Variants in MICALL2 observed in about 807,000 individuals in gnomAD.
The protein encoded by MICALL2 is MICAL like 2.
MICALL2 carries 111 observed loss-of-function variants against 91.1 expected under a neutral mutation model. That is an observed-to-expected ratio of 1.22 (90% CI 1.04 to 1.43). The LOEUF (loss-of-function observed/expected upper bound fraction) is 1.43. Ranked by LOEUF, MICALL2 falls within the 40% of genes most tolerant of loss-of-function variation. The pLI, the probability that MICALL2 is intolerant of heterozygous loss-of-function variation, is 0.00. For synonymous variants in MICALL2, 694 were observed against 525.3 expected (o/e 1.32, Z -4.39); for missense variants, 1,556 against 1,236.0 (o/e 1.26, Z -3.88).
intron 1 of MICALL2, among the ~76,000 whole-genome samples, chr7:1,458,206 G>C (rs1240375883): frequency 6.6e-6 from 1 of 152,206 alleles, no homozygotes; most frequent in African/African-American, 2.4e-5. Context: ...CTGCGCAACG[G>C]GCTGGGGCTG....
chr7:1,458,242 CTT>C (rs1039484421), intron 1 of MICALL2, among the ~76,000 whole-genome samples: 2 of 152,230 alleles, frequency 1.3e-5, no homozygotes, highest in Non-Finnish European at 2.9e-5. Flanking sequence ...GACCCCTCCT[CTT>C]AGCCTCGGTT....
intron 5 of MICALL2, 120 bp downstream of exon 5, chr7:1,446,593 G>C: frequency 3.0e-6 from 2 of 664,062 alleles, no homozygotes; most frequent in Non-Finnish European, 5.3e-6. Flanking sequence ...AGGGGAGAGG[G>C]GAGAGGGGAG....
In MICALL2 at chr7:1,445,182, G is replaced by A. The variant is rs1297858544; in HGVS notation, c.888C>T (p.Ala296=). 5.7e-6 allele frequency: 9 copies of A among 1,590,594 alleles called. No homozygotes were observed. Among genetic ancestry groups the A allele is most frequent in the African/African-American group, 1.3e-5 (1 of 74,420 alleles). ...AWEPAAGNSP[A]RASVPAAPNP... is the part of the protein sequence containing the mutation. Reference sequence around the variant, plus strand: ...TGGGTGCAGCTGGAACGGAAGCCCTGGCAGGCGAGTTGCCCGCAGCAGGCT... The same window carrying A: ...TGGGTGCAGCTGGAACGGAAGCCCTAGCAGGCGAGTTGCCCGCAGCAGGCT... Residue 296 remains alanine, a synonymous_variant, in exon 6 of 17, where the codon GCC becomes GCT. Coordinates refer to ENST00000297508, the MANE Select transcript of MICALL2 (RefSeq NM_182924.4).
chr7:1,436,898 C>T, intron 14 of MICALL2, 42 bp from the exon 15 acceptor site: 2 of 1,409,162 alleles, frequency 1.4e-6, no homozygotes, highest in Non-Finnish European at 9.6e-7. Flanking sequence ...CCCACCACTG[C>T]CATGCCCCTC....
intron 5 of MICALL2, 30 bp from the exon 6 acceptor site, chr7:1,445,458 C>T: frequency 6.8e-7 from 1 of 1,470,388 alleles, no homozygotes; most frequent in Non-Finnish European, 9.0e-7. Flanking sequence ...GGAGCCCCAG[C>T]TCGGCACCGC....
chr7:1,459,157 A>C (rs748464245), intron 1 of MICALL2, 27 bp downstream of exon 1: 91 of 1,593,082 alleles, frequency 5.7e-5, no homozygotes, highest in Non-Finnish European at 7.4e-5. Context: ...ACAGCAGAAG[A>C]ATCAAAGGGC....
In MICALL2 at chr7:1,444,974, G is replaced by A; in HGVS notation, c.1096C>T (p.Pro366Ser). ...AAAASHPAVPPSAPDPRPATP... is the reference protein window; with the variant it reads ...AAAASHPAVPSSAPDPRPATP... Reference sequence around the variant, plus strand: ...GCCGGGCGAGGGTCTGGGGCACTCGGGGGCACGGCGGGATGGGAGGCAGCC... The same window carrying A: ...GCCGGGCGAGGGTCTGGGGCACTCGAGGGCACGGCGGGATGGGAGGCAGCC... Residue 366 changes from proline to serine, a missense_variant, in exon 6 of 17, where the codon CCG becomes TCG. Transcript: ENST00000297508. 1.3e-6 allele frequency: 2 copies of A among 1,505,266 alleles called. No individual in the cohort carries two copies. Among genetic ancestry groups the A allele is most frequent in the Non-Finnish European group, 1.8e-6 (2 of 1,126,858 alleles). 93.2% of individuals were successfully genotyped at this position (1,505,266 alleles called of 1,614,324 possible).
At chr7:1,437,390 T>C in intron 14 of MICALL2, 145 bp downstream of exon 14, 2 of 619,794 alleles carry the variant, frequency 3.2e-6, no homozygotes, top group East Asian at 3.0e-5. Flanking sequence ...GTGGGAGATT[T>C]GAAACTCAAA....
intron 1 of MICALL2, among the ~76,000 whole-genome samples, chr7:1,454,709 G>A (rs1780952129): frequency 2.0e-5 from 3 of 152,276 alleles, no homozygotes; most frequent in Admixed American, 2.0e-4. Context: ...CCGCGTGGGA[G>A]AGGAGGTCAG....
intron 16 of MICALL2, 121 bp downstream of exon 16, chr7:1,434,980 T>TTGCCCCCC: frequency 3.2e-6 from 2 of 628,932 alleles, no homozygotes; most frequent in Non-Finnish European, 5.6e-6. Context: ...GGGGACCCGA[T>TTGCCCCCC]ACCCGCCCCC....
intron 15 of MICALL2, among the ~76,000 whole-genome samples, chr7:1,435,541 G>A (rs1024392720): frequency 2.0e-5 from 3 of 152,232 alleles, no homozygotes; most frequent in Non-Finnish European, 4.4e-5. Context: ...GGAGGGCCTG[G>A]GCCGACCACA....
Position 1,445,198 on chromosome 7 carries a change from G to C in MICALL2, c.872C>G (p.Ala291Gly), listed in dbSNP as rs150837160. The change falls in exon 6 of 17, where the codon GCG becomes GGG. Residue 291 changes from alanine (A) to glycine (G), a missense_variant. Coordinates refer to ENST00000297508, the MANE Select transcript of MICALL2 (RefSeq NM_182924.4). ...KARPSAWEPAAGNSPARASVP... is the reference protein window; with the variant it reads ...KARPSAWEPAGGNSPARASVP... ...GGAAGCCCTGGCAGGCGAGTTGCCC[G>C]CAGCAGGCTCCCAGGCCGACGGTCT... 5.0e-6 allele frequency: 8 copies of C among 1,597,836 alleles called. No individual in the cohort carries two copies. Among genetic ancestry groups the C allele is most frequent in the Non-Finnish European group, 6.8e-6 (8 of 1,173,192 alleles).
intron 1 of MICALL2, among the ~76,000 whole-genome samples, chr7:1,453,377 C>T (rs866161667): frequency 3.3e-5 from 5 of 152,202 alleles, no homozygotes; most frequent in Admixed American, 1.3e-4. Flanking sequence ...AGGCACAGGG[C>T]GAAGACGGCC....
At position 1,437,611 on chromosome 7, in the gene MICALL2, G is replaced by T; in HGVS notation, c.2403-3C>A. On this transcript the variant is annotated splice_polypyrimidine_tract_variant and splice_region_variant and intron_variant, in intron 13 of 16. Transcript: ENST00000297508. ...CCTCCAGACGCTGGGCCTTGGACCT[G>T]CCGCACAGACACGCGTCTGAGGCCT... 1 of 1,539,364 alleles carries T rather than the reference G, an allele frequency of 6.5e-7. No individual in the cohort carries two copies.
intron 9 of MICALL2, chr7:1,439,500 GCA>G (rs938071367): frequency 1.0e-4 from 20 of 194,510 alleles, no homozygotes; most frequent in African/African-American, 2.6e-4. Flanking sequence ...TCACGTGTGG[GCA>G]CACATGCATC....
rs1052066542 is a variant in MICALL2, at chr7:1,442,397, G to C, written c.1506C>G (p.Ser502=). The change falls in exon 7 of 17, where the codon TCC becomes TCG. Residue 502 remains serine, a synonymous_variant. Transcript: ENST00000297508. Reference sequence around the variant, plus strand: ...GGAGGCCAAGCACCCGGGGAGACGAGGACTGTAACGGCTTGGCTAAGGGAC... The same window carrying C: ...GGAGGCCAAGCACCCGGGGAGACGACGACTGTAACGGCTTGGCTAAGGGAC... ...QASPLAKPLQ[S]SSPRVLGLPS... is the part of the protein sequence containing the mutation. 3 of 1,602,638 alleles carry C rather than the reference G, an allele frequency of 1.9e-6. No homozygotes were observed. Among genetic ancestry groups the C allele is most frequent in the South Asian group, 1.1e-5 (1 of 89,612 alleles).
At chr7:1,437,309 C>CT (rs1180882308) in intron 14 of MICALL2, 1 of 553,572 alleles carries the variant, frequency 1.8e-6, no homozygotes, top group African/African-American at 2.0e-5. Flanking sequence ...TACAAGCATC[C>CT]TCACTTTGCA....
chr7:1,438,279 C>G lies in MICALL2; in HGVS notation c.2187+10G>C, dbSNP rs769242305. 100 of 1,594,260 alleles carry G rather than the reference C, an allele frequency of 6.3e-5. No homozygotes were observed. Among genetic ancestry groups the G allele is most frequent in the Non-Finnish European group, 7.6e-5 (89 of 1,170,912 alleles). Reference sequence around the variant, plus strand: ...GCTGGGCCCCTGCCCGGCTCCCCACCACTACTCACCCTGACTGGGGAGGTC... The same window carrying G: ...GCTGGGCCCCTGCCCGGCTCCCCACGACTACTCACCCTGACTGGGGAGGTC... On this transcript the variant is annotated intron_variant, in intron 11 of 16. Coordinates refer to ENST00000297508, the MANE Select transcript of MICALL2 (RefSeq NM_182924.4).
intron 6 of MICALL2, among the ~76,000 whole-genome samples, chr7:1,444,448 C>T (rs371635002): frequency 4.6e-5 from 7 of 152,342 alleles, no homozygotes; most frequent in African/African-American, 1.7e-4. Flanking sequence ...CATAAGGACC[C>T]GGCTTCCACC....
Sources: gnomAD v4.1 joint callset for allele counts (sites outside exome capture counted in the v4.1 genomes callset) on GRCh38, gnomAD v4.1.1 for gene constraint, MANE v1.5 for transcripts, NCBI Gene and HGNC (gene_info 2026-07-23, HGNC 2026-07-21) for gene names.